The following APELA variants were observed in gnomAD, a reference collection of about 807,000 sequenced individuals.
The protein encoded by APELA is protein Elabela.
intron 2 of APELA, among the ~76,000 whole-genome samples, chr4:164,882,862 G>A (rs1235612186): frequency 3.3e-5 from 5 of 152,004 alleles, no homozygotes; most frequent in East Asian, 1.9e-4. Flanking sequence ...TTGCCCTTGC[G>A]ATAGTTTGCT....
chr4:164,877,241 G>A lies in APELA; in HGVS notation c.-91G>A, dbSNP rs1271123991. ...GTTCTCTGAGGTTTGTCACTAGAATGTGAAGACAGCCACACAGATATTGCA... is the reference window on the plus strand; with the variant it reads ...GTTCTCTGAGGTTTGTCACTAGAATATGAAGACAGCCACACAGATATTGCA... On this transcript the variant is annotated 5_prime_UTR_variant, in exon 1 of 3. It adds an upstream start codon to the 5' untranslated region. Transcript: ENST00000507152. The A allele has an allele frequency of 7.6e-6, 3 of 397,178 alleles. No individual in the cohort carries two copies. Among genetic ancestry groups the A allele is most frequent in the Non-Finnish European group, 4.4e-6 (1 of 224,958 alleles). The allele number at this position is 397,178 out of a possible 1,614,324, so 24.6% of individuals were successfully genotyped here.
At chr4:164,889,387 T>A (rs1730838263) in intron 2 of APELA, among the ~76,000 whole-genome samples, 1 of 152,238 alleles carries the variant, frequency 6.6e-6, no homozygotes, top group Non-Finnish European at 1.5e-5. Flanking sequence ...GAAATCCATT[T>A]ACTGCTTTGT....
intron 2 of APELA, among the ~76,000 whole-genome samples, chr4:164,890,061 T>C (rs1411089312): frequency 1.3e-5 from 2 of 152,208 alleles, no homozygotes; most frequent in Non-Finnish European, 2.9e-5. Context: ...ACTGTATGGA[T>C]AGCCTTAATT....
At chr4:164,888,934 C>T (rs1162647172) in intron 2 of APELA, among the ~76,000 whole-genome samples, 2 of 152,068 alleles carry the variant, frequency 1.3e-5, no homozygotes, top group African/African-American at 4.8e-5. Context: ...CTTTTTCCTA[C>T]TCAATGAAAA....
intron 2 of APELA, among the ~76,000 whole-genome samples, chr4:164,891,949 A>G (rs1246982316): frequency 6.6e-6 from 1 of 152,062 alleles, no homozygotes; most frequent in East Asian, 1.9e-4. Flanking sequence ...TTCTATTGCA[A>G]GATTGATGAA....
intron 2 of APELA, among the ~76,000 whole-genome samples, chr4:164,882,346 GC>G (rs200089150): frequency 0.02 from 3,073 of 151,832 alleles, 93 homozygotes; most frequent in African/African-American, 0.07. Context: ...CAGGTGATCT[GC>G]CCCCCCTCAG....
At chr4:164,888,732 C>T (rs1195891896) in intron 2 of APELA, among the ~76,000 whole-genome samples, 1 of 152,154 alleles carries the variant, frequency 6.6e-6, no homozygotes, top group African/African-American at 2.4e-5. Flanking sequence ...ATCCATTCTT[C>T]GTATTATGGC....
At chr4:164,897,972 A>T (rs76631770), downstream of APELA, among the ~76,000 whole-genome samples, 2,592 of 151,860 alleles carry the variant, frequency 0.017, 28 homozygotes, top group Non-Finnish European at 0.026. Context: ...CTCACTGCAA[A>T]CTCCATCTCC....
chr4:164,884,914 T>A (rs1279699968), intron 2 of APELA, among the ~76,000 whole-genome samples: 1 of 152,268 alleles, frequency 6.6e-6, no homozygotes, highest in Admixed American at 6.5e-5. Flanking sequence ...TTATTACCCC[T>A]ATTAGTTACA....
At chr4:164,886,935 C>T (rs1191118254) in intron 2 of APELA, among the ~76,000 whole-genome samples, 4 of 151,984 alleles carry the variant, frequency 2.6e-5, no homozygotes, top group Non-Finnish European at 5.9e-5. Flanking sequence ...AAGCAGTTCT[C>T]CTGGCTCAGC....
intron 2 of APELA, among the ~76,000 whole-genome samples, chr4:164,886,743 A>G (rs1460673083): frequency 1.3e-5 from 2 of 152,216 alleles, no homozygotes; most frequent in Non-Finnish European, 2.9e-5. Context: ...TATTATAAAC[A>G]TTTATTACAA....
intron 2 of APELA, among the ~76,000 whole-genome samples, chr4:164,888,558 G>A (rs188921052): frequency 1.3e-5 from 2 of 152,288 alleles, no homozygotes; most frequent in Admixed American, 6.5e-5. Flanking sequence ...TCCTGGGCTG[G>A]TTGCTGCAGT....
chr4:164,883,354 T>TC (rs1560857657), intron 2 of APELA, among the ~76,000 whole-genome samples: 2 of 152,266 alleles, frequency 1.3e-5, no homozygotes, highest in East Asian at 3.9e-4. Context: ...CTCTTCCAAC[T>TC]CACAGCAAAA....
In APELA at chr4:164,883,723, C is replaced by T. The variant is rs145040406; in HGVS notation, c.*1+4714C>T. On this transcript the variant is annotated intron_variant, in intron 2 of 2. Coordinates refer to ENST00000507152, the MANE Select transcript of APELA (RefSeq NM_001297550.2). ...CTGGTCTTGACCTTCTGGGCTCAAG[C>T]AATCCTCTTACCTTGGCCTCCCAAA... Among the ~76,000 whole-genome samples, 10 of 151,732 alleles carry T rather than the reference C, an allele frequency of 6.6e-5. No individual in the cohort carries two copies. In the Middle Eastern group the frequency reaches 0.017, roughly 260 times the overall value.
At chr4:164,893,176 T>C (rs1046151633) in intron 2 of APELA, among the ~76,000 whole-genome samples, 2 of 152,178 alleles carry the variant, frequency 1.3e-5, no homozygotes, top group Non-Finnish European at 2.9e-5. Context: ...ATGTTTAGGG[T>C]CTTAAGTGAA....
intron 2 of APELA, among the ~76,000 whole-genome samples, chr4:164,880,577 G>T (rs1217088242): frequency 6.6e-6 from 1 of 152,150 alleles, no homozygotes; most frequent in African/African-American, 2.4e-5. Context: ...AAAAATCTGT[G>T]CTTAAGAGGA....
intron 1 of APELA, 136 bp from the exon 2 acceptor site, chr4:164,878,784 A>T: frequency 2.5e-6 from 1 of 396,146 alleles, no homozygotes; most frequent in Non-Finnish European, 4.5e-6. Context: ...ATTGGTTTTT[A>T]ATTTTATAAT....
At chr4:164,892,099 CA>C (rs1408012170) in intron 2 of APELA, among the ~76,000 whole-genome samples, 2 of 151,980 alleles carry the variant, frequency 1.3e-5, no homozygotes, top group African/African-American at 4.8e-5. Flanking sequence ...TTGCTTGAGT[CA>C]GGGAGTTTGA....
chr4:164,884,267 T>C (rs1730726217), intron 2 of APELA, among the ~76,000 whole-genome samples: 2 of 152,114 alleles, frequency 1.3e-5, no homozygotes, highest in African/African-American at 4.8e-5. Flanking sequence ...ATTGACTCCA[T>C]AGTGCTCTCT....
Sources: allele counts gnomAD v4.1 joint callset (sites outside exome capture counted in the v4.1 genomes callset), GRCh38; gene constraint gnomAD v4.1.1; transcripts MANE v1.5; gene names NCBI Gene and HGNC (gene_info 2026-07-23, HGNC 2026-07-21).